ZNF565: variants seen among roughly 807,000 people sequenced by gnomAD.
ZNF565 encodes zinc finger protein 565.
Under a neutral mutation model 39.4 loss-of-function variants are expected in ZNF565, and 27 were observed. The observed-to-expected ratio is 0.69, with a 90% confidence interval of 0.51 to 0.95. The LOEUF is 0.95. ZNF565 is among the 40% of genes least tolerant of loss of function. ZNF565 has a pLI of 0.00. For missense variants in ZNF565, 524 were observed against 621.1 expected (o/e 0.84, Z 1.66); for synonymous variants, 185 against 216.6 (o/e 0.85, Z 1.28).
intron 1 of ZNF565, among the ~76,000 whole-genome samples, chr19:36,225,259 G>A (rs1316071467): frequency 3.3e-5 from 5 of 152,154 alleles, no homozygotes; most frequent in Non-Finnish European, 7.4e-5. Flanking sequence ...TCTGTTGATT[G>A]AGGAAACAAC....
chr19:36,199,917 T>A (rs1975894961), intron 2 of ZNF565, among the ~76,000 whole-genome samples: 1 of 152,116 alleles, frequency 6.6e-6, no homozygotes, highest in African/African-American at 2.4e-5. Context: ...TACCTCAGCC[T>A]CCCAAAGTGC....
intron 1 of ZNF565, among the ~76,000 whole-genome samples, chr19:36,234,254 G>T (rs1400950071): frequency 1.3e-5 from 2 of 152,042 alleles, no homozygotes; most frequent in South Asian, 4.2e-4. Context: ...TCTTAGTACA[G>T]AACAAAATGG....
chr19:36,222,712 G>A (rs1156557083), intron 1 of ZNF565, among the ~76,000 whole-genome samples: 2 of 149,382 alleles, frequency 1.3e-5, no homozygotes, highest in African/African-American at 4.9e-5. Context: ...TTTCTATGGG[G>A]TGTCTTCTCC....
At chr19:36,231,431 ACTC>A (rs2145444018) in intron 1 of ZNF565, among the ~76,000 whole-genome samples, 1 of 151,852 alleles carries the variant, frequency 6.6e-6, no homozygotes, top group East Asian at 1.9e-4. Context: ...CTGGTCTTAA[ACTC>A]CTGACCTCAA....
rs147784545 is a variant in ZNF565, at chr19:36,243,518, G to A, written c.55+1958C>T. ...GGCAGATGTGAAGGGAGTTAAAAAC[G>A]AGAAGAATGGACACGATGACCATAT... On this transcript the variant is annotated intron_variant, in intron 1 of 4. Transcript: ENST00000355114. Among the ~76,000 whole-genome samples, 861 of 152,274 alleles carry A rather than the reference G, an allele frequency of 5.7e-3. 7 individuals carry two copies. Among genetic ancestry groups the A allele is most frequent in the African/African-American group, 0.019 (806 of 41,548 alleles).
At chr19:36,231,930 C>T (rs10416742) in intron 1 of ZNF565, among the ~76,000 whole-genome samples, 39,018 of 151,180 alleles carry the variant, frequency 0.26, 5,411 homozygotes, top group African/African-American at 0.37. Flanking sequence ...AGGCCAGACT[C>T]GGTGGTTCAC....
In ZNF565 at chr19:36,239,315, T is replaced by A. The variant is rs1443271966; in HGVS notation, c.55+6161A>T. 2.0e-5 allele frequency among the ~76,000 whole-genome samples: 3 copies of A among 150,410 alleles called. No homozygotes were observed. In the East Asian group the frequency reaches 5.8e-4, roughly 29 times the overall value. ...GAAACGTGTGCATTAAATATTAAAT[T>A]TTTGATAATATCTTTTTTTTTTTTT... On this transcript the variant is annotated intron_variant, in intron 1 of 4. Coordinates refer to the ZNF565 transcript ENST00000355114.
At chr19:36,221,710 T>G (rs956330601) in intron 1 of ZNF565, among the ~76,000 whole-genome samples, 1 of 152,156 alleles carries the variant, frequency 6.6e-6, no homozygotes, top group African/African-American at 2.4e-5. Context: ...AGTCACATTC[T>G]TCTTTGTCTT....
chr19:36,230,467 G>A (rs1451822134), intron 1 of ZNF565, among the ~76,000 whole-genome samples: 1 of 150,304 alleles, frequency 6.7e-6, no homozygotes, highest in Non-Finnish European at 1.5e-5. Flanking sequence ...AGGGAAAACC[G>A]GTATAGAGAG....
chr19:36,244,849 TAAAAA>T (rs775546485), intron 1 of ZNF565, among the ~76,000 whole-genome samples: 2 of 129,222 alleles, frequency 1.5e-5, no homozygotes, highest in African/African-American at 5.7e-5. Context: ...GACTACGTCT[TAAAAA>T]AAAAAAAAAA....
intron 1 of ZNF565, among the ~76,000 whole-genome samples, chr19:36,208,847 T>C (rs1300728285): frequency 1.3e-5 from 2 of 152,180 alleles, no homozygotes; most frequent in Non-Finnish European, 2.9e-5. Context: ...TTATTTATTT[T>C]TTTGAGGTAG....
intron 2 of ZNF565, among the ~76,000 whole-genome samples, chr19:36,198,171 G>C (rs760731256): frequency 8.6e-5 from 13 of 151,858 alleles, no homozygotes; most frequent in Admixed American, 3.9e-4. Flanking sequence ...GTATATCGAA[G>C]AGATATCTGC....
intron 1 of ZNF565, among the ~76,000 whole-genome samples, chr19:36,207,586 A>G (rs752138331): frequency 2.5e-4 from 38 of 152,036 alleles, no homozygotes; most frequent in Admixed American, 1.3e-4. Flanking sequence ...ACAAACAAAC[A>G]ACAACAAAAA....
rs992565221 is a variant in ZNF565, at chr19:36,183,180, C to A, written c.786G>T (p.Gln262His). ...TTTGATGCAGAATCAGCTGTGAATG[C>A]TGCCTAAAGGTCTTCCCACATTCTT... Reference protein sequence around the residue: ...ECKECGKTFRQHSQLILHQRT... With the variant: ...ECKECGKTFRHHSQLILHQRT... Residue 262 changes from glutamine (Q) to histidine (H), a missense_variant, in exon 5 of 5, where the codon CAG becomes CAT. By Grantham distance (24) the Gln-to-His change is conservative (BLOSUM62 0). Transcript: ENST00000304116. The A allele has an allele frequency of 5.0e-6, 8 of 1,613,972 alleles. No homozygotes were observed. The highest frequency in any genetic ancestry group is 6.8e-6 in the Non-Finnish European group (8 of 1,180,024).
intron 1 of ZNF565, among the ~76,000 whole-genome samples, chr19:36,212,536 C>T (rs938173258): frequency 1.3e-5 from 2 of 151,832 alleles, no homozygotes; most frequent in African/African-American, 4.8e-5. Flanking sequence ...GCAGGAGAAT[C>T]GCTTGAGCCT....
intron 1 of ZNF565, among the ~76,000 whole-genome samples, chr19:36,205,647 C>T (rs956208006): frequency 6.6e-5 from 10 of 152,114 alleles, no homozygotes; most frequent in Non-Finnish European, 1.0e-4. Flanking sequence ...AGAGGTGTAA[C>T]CTTGGAGTCA....
intron 4 of ZNF565, among the ~76,000 whole-genome samples, chr19:36,192,970 C>T (rs1975616655): frequency 6.9e-6 from 1 of 144,672 alleles, no homozygotes; most frequent in Admixed American, 7.1e-5. Flanking sequence ...GCACCCACAA[C>T]CATGCTCAGC....
chr19:36,188,608 A>G (rs1435914738), intron 4 of ZNF565, among the ~76,000 whole-genome samples: 1 of 150,640 alleles, frequency 6.6e-6, no homozygotes, highest in Admixed American at 6.7e-5. Flanking sequence ...GCTACTCAAG[A>G]GGCTGAGGCA....
chr19:36,194,202 C>A (rs1181133258), intron 4 of ZNF565, 31 bp downstream of exon 4: 3 of 1,578,056 alleles, frequency 1.9e-6, no homozygotes, highest in Admixed American at 3.5e-5. Flanking sequence ...CATCCAGGGA[C>A]CTTCCCCTGT....
Sources: gnomAD v4.1 joint callset for allele counts (sites outside exome capture counted in the v4.1 genomes callset) on GRCh38, gnomAD v4.1.1 for gene constraint, MANE v1.5 for transcripts, NCBI Gene and HGNC (gene_info 2026-07-23, HGNC 2026-07-21) for gene names.